The following PPP1R9A variants were observed in gnomAD, a reference collection of about 807,000 sequenced individuals.
The protein encoded by PPP1R9A is protein phosphatase 1 regulatory subunit 9A, also known as neurabin-1.
Under a neutral mutation model 141.9 loss-of-function variants are expected in PPP1R9A, and 59 were observed. That is an observed-to-expected ratio of 0.42 (90% CI 0.34 to 0.52). The LOEUF (loss-of-function observed/expected upper bound fraction) is 0.52. PPP1R9A is among the 20% of genes least tolerant of loss of function. PPP1R9A has a pLI of 0.10. For synonymous variants in PPP1R9A, 500 were observed against 569.7 expected (o/e 0.88, Z 1.74); for missense variants, 1,444 against 1,611.9 (o/e 0.90, Z 1.78).
chr7:95,133,942 C>T (rs761590606), intron 4 of PPP1R9A, among the ~76,000 whole-genome samples: 18 of 152,106 alleles, frequency 1.2e-4, no homozygotes, highest in Non-Finnish European at 1.9e-4. Context: ...CCTCAGCCTC[C>T]CAAAGTTCTG....
At chr7:95,113,363 C>A (rs1820909639) in intron 3 of PPP1R9A, among the ~76,000 whole-genome samples, 1 of 152,074 alleles carries the variant, frequency 6.6e-6, no homozygotes, top group Non-Finnish European at 1.5e-5. Context: ...AGAAAAATTT[C>A]TTGTCCTTAA....
intron 5 of PPP1R9A, among the ~76,000 whole-genome samples, chr7:95,163,947 AGG>A (rs1830807532): frequency 6.6e-6 from 1 of 152,178 alleles, no homozygotes; most frequent in South Asian, 2.1e-4. Flanking sequence ...CCTGTTGGCC[AGG>A]CTGGTCTTGA....
At chr7:94,947,610 A>G (rs1196750407) in intron 2 of PPP1R9A, among the ~76,000 whole-genome samples, 1 of 152,054 alleles carries the variant, frequency 6.6e-6, no homozygotes, top group Admixed American at 6.6e-5. Context: ...GTGACATGCT[A>G]GAAGGGACAA....
intron 3 of PPP1R9A, among the ~76,000 whole-genome samples, chr7:95,120,092 G>A (rs1822284031): frequency 1.3e-5 from 2 of 151,472 alleles, no homozygotes; most frequent in South Asian, 4.2e-4. Context: ...AAGTAGCTGG[G>A]ACTACAAGTG....
intron 4 of PPP1R9A, among the ~76,000 whole-genome samples, chr7:95,153,825 A>G (rs1001525666): frequency 1.3e-5 from 2 of 152,102 alleles, no homozygotes; most frequent in Admixed American, 1.3e-4. Context: ...CTTATTATTG[A>G]TCTGTTCCAG....
At chr7:95,071,812 C>T (rs6949903) in intron 2 of PPP1R9A, among the ~76,000 whole-genome samples, 71,417 of 151,412 alleles carry the variant, frequency 0.47, 17,451 homozygotes, top group African/African-American at 0.54. Flanking sequence ...TTTTTGTAGC[C>T]CCACTACCCA....
At chr7:95,269,734 G>A (rs1046186526) in intron 14 of PPP1R9A, among the ~76,000 whole-genome samples, 4 of 151,854 alleles carry the variant, frequency 2.6e-5, no homozygotes, top group Non-Finnish European at 5.9e-5. Context: ...CTCTCTATAA[G>A]TTTACTACTC....
chr7:95,204,976 C>CA (rs1275271210), intron 7 of PPP1R9A, among the ~76,000 whole-genome samples: 1 of 150,522 alleles, frequency 6.6e-6, no homozygotes, highest in African/African-American at 2.4e-5. Context: ...CACATACCCA[C>CA]ACACACCACA....
intron 2 of PPP1R9A, among the ~76,000 whole-genome samples, chr7:94,938,873 C>T (rs1220285758): frequency 6.6e-6 from 1 of 152,094 alleles, no homozygotes; most frequent in African/African-American, 2.4e-5. Context: ...TGAAAGAGTT[C>T]TTGCAGTATT....
chr7:95,169,609 C>T (rs1831808045), intron 5 of PPP1R9A, among the ~76,000 whole-genome samples: 1 of 151,778 alleles, frequency 6.6e-6, no homozygotes, highest in Admixed American at 6.6e-5. Flanking sequence ...GGTCATTATA[C>T]AGTATAGCAT....
At chr7:95,152,721 T>A (rs1443295272) in intron 4 of PPP1R9A, among the ~76,000 whole-genome samples, 1 of 152,202 alleles carries the variant, frequency 6.6e-6, no homozygotes, top group East Asian at 1.9e-4. Flanking sequence ...TTACCCATAT[T>A]ACCATTGTTA....
chr7:94,983,023 A>G (rs1280500368), intron 2 of PPP1R9A, among the ~76,000 whole-genome samples: 1 of 152,180 alleles, frequency 6.6e-6, no homozygotes, highest in Non-Finnish European at 1.5e-5. Flanking sequence ...ATCCAGTTTC[A>G]GCTTTCTACA....
At chr7:95,152,132 A>G (rs1336427212) in intron 4 of PPP1R9A, among the ~76,000 whole-genome samples, 4 of 151,458 alleles carry the variant, frequency 2.6e-5, no homozygotes, top group African/African-American at 9.7e-5. Context: ...TTGTATTTTT[A>G]GTAGAGACGG....
intron 2 of PPP1R9A, among the ~76,000 whole-genome samples, chr7:95,011,751 C>T (rs183446370): frequency 3.4e-4 from 51 of 152,138 alleles, no homozygotes; most frequent in Non-Finnish European, 4.6e-4. Context: ...ATCTGCTCCA[C>T]ATTTCTTATG....
chr7:94,992,334 A>G (rs751373664), intron 2 of PPP1R9A, among the ~76,000 whole-genome samples: 1 of 152,194 alleles, frequency 6.6e-6, no homozygotes, highest in Non-Finnish European at 1.5e-5. Context: ...GTTGCTAGCT[A>G]GGATTCTTTT....
intron 5 of PPP1R9A, among the ~76,000 whole-genome samples, chr7:95,196,698 A>G (rs773491965): frequency 1.3e-5 from 2 of 152,192 alleles, no homozygotes; most frequent in African/African-American, 4.8e-5. Flanking sequence ...AAAACAAGCT[A>G]GATACTCTAA....
chr7:94,995,947 G>A (rs141227438), intron 2 of PPP1R9A, among the ~76,000 whole-genome samples: 2 of 152,104 alleles, frequency 1.3e-5, no homozygotes, highest in East Asian at 3.9e-4. Flanking sequence ...AAGTTATATA[G>A]AAATAATTTT....
chr7:95,128,343 C>T (rs2152514068), intron 4 of PPP1R9A, among the ~76,000 whole-genome samples: 1 of 152,230 alleles, frequency 6.6e-6, no homozygotes, highest in Admixed American at 6.5e-5. Context: ...GTCTTTTGCC[C>T]ATTTTTAAAT....
intron 2 of PPP1R9A, among the ~76,000 whole-genome samples, chr7:95,080,817 G>T (rs1482106890): frequency 6.6e-6 from 1 of 152,100 alleles, no homozygotes; most frequent in African/African-American, 2.4e-5. Flanking sequence ...GGCATATTCT[G>T]GTTTCCTACA....
Sources: allele counts gnomAD v4.1 joint callset (sites outside exome capture counted in the v4.1 genomes callset), GRCh38; gene constraint gnomAD v4.1.1; transcripts MANE v1.5; gene names NCBI Gene and HGNC (gene_info 2026-07-23, HGNC 2026-07-21).